Variants in LRRTM4 observed in about 807,000 individuals in gnomAD.
LRRTM4 encodes the protein leucine rich repeat transmembrane neuronal 4.
LRRTM4 carries 25 observed loss-of-function variants against 47.6 expected under a neutral mutation model. The ratio of observed to expected loss-of-function variants is 0.53; its 90% confidence interval spans 0.38 to 0.73. The LOEUF (loss-of-function observed/expected upper bound fraction) is 0.73. Among genes scored for constraint, LRRTM4 ranks in the 30% least tolerant of loss-of-function variants. LRRTM4 has a pLI of 0.00. For synonymous variants in LRRTM4, 311 were observed against 269.5 expected, an observed-to-expected ratio of 1.15 and a Z score of -1.51; for missense variants, 638 against 713.4, an observed-to-expected ratio of 0.89 and a Z score of 1.20.
chr2:76,922,461 T>C (rs1023694345), intron 3 of LRRTM4, among the ~76,000 whole-genome samples: 1 of 152,054 alleles, frequency 6.6e-6, no homozygotes, highest in Non-Finnish European at 1.5e-5. Context: ...CAAGCCTCCA[T>C]GATTCAATCA....
chr2:76,870,943 T>A (rs1672606226), intron 3 of LRRTM4, among the ~76,000 whole-genome samples: 1 of 152,184 alleles, frequency 6.6e-6, no homozygotes, highest in Non-Finnish European at 1.5e-5. Flanking sequence ...CCTATCTTTG[T>A]ACTAAGCTTT....
At position 77,416,662 on chromosome 2, in the gene LRRTM4, C is replaced by G. The variant is rs1674645906; in HGVS notation, c.1551+101656G>C. 2.0e-5 allele frequency among the ~76,000 whole-genome samples: 3 copies of G among 151,974 alleles called. 1 individual carries two copies. Among genetic ancestry groups the G allele is most frequent in the Admixed American group, 2.0e-4 (3 of 15,230 alleles). On this transcript the variant is annotated intron_variant, in intron 3 of 3. Transcript: ENST00000409884. ...TTCATTAATATAATCTTAGCAAAATCATACCACTTCAGACAAAACCACCAG... is the reference window on the plus strand; with the variant it reads ...TTCATTAATATAATCTTAGCAAAATGATACCACTTCAGACAAAACCACCAG...
chr2:76,786,634 T>C (rs1047905925), intron 3 of LRRTM4, among the ~76,000 whole-genome samples: 2 of 152,070 alleles, frequency 1.3e-5, no homozygotes, highest in Non-Finnish European at 2.9e-5. Context: ...AATTTGGTTT[T>C]AAAAATATCT....
chr2:77,130,824 ATTTTT>A (rs768577274), intron 3 of LRRTM4, among the ~76,000 whole-genome samples: 50 of 35,626 alleles, frequency 1.4e-3, no homozygotes, highest in Non-Finnish European at 2.1e-3. Flanking sequence ...TATTTGTTCT[ATTTTT>A]TTTTTTTTTT....
At chr2:77,262,110 T>A (rs1354911202) in intron 3 of LRRTM4, among the ~76,000 whole-genome samples, 1 of 152,152 alleles carries the variant, frequency 6.6e-6, no homozygotes, top group Non-Finnish European at 1.5e-5. Context: ...TAATGCCTCA[T>A]AATCTGTCAG....
intron 3 of LRRTM4, among the ~76,000 whole-genome samples, chr2:77,027,859 A>G (rs766490415): frequency 7.9e-5 from 12 of 152,136 alleles, no homozygotes; most frequent in Non-Finnish European, 1.3e-4. Flanking sequence ...ATCCAAAAGA[A>G]TATGTTCAAT....
At chr2:77,456,695 ACT>A (rs1295320960) in intron 3 of LRRTM4, among the ~76,000 whole-genome samples, 1 of 151,118 alleles carries the variant, frequency 6.6e-6, no homozygotes, top group African/African-American at 2.4e-5. Context: ...TCACCTCTCT[ACT>A]CTTGAAAGCA....
At chr2:77,272,892 A>G (rs1676243472) in intron 3 of LRRTM4, among the ~76,000 whole-genome samples, 1 of 152,196 alleles carries the variant, frequency 6.6e-6, no homozygotes, top group African/African-American at 2.4e-5. Context: ...TTATAGCAAT[A>G]CAATGGACCA....
chr2:77,219,596 G>T (rs557872032), intron 3 of LRRTM4, among the ~76,000 whole-genome samples: 16 of 152,190 alleles, frequency 1.1e-4, no homozygotes, highest in Non-Finnish European at 2.4e-4. Context: ...TAAAAGTTTT[G>T]GGAAGACCTT....
intron 3 of LRRTM4, among the ~76,000 whole-genome samples, chr2:76,992,937 T>C (rs769438403): frequency 1.3e-5 from 2 of 151,130 alleles, no homozygotes; most frequent in African/African-American, 2.4e-5. Context: ...CTTAAACCAA[T>C]GAAGCACATT....
chr2:76,912,623 G>C (rs1271288670), intron 3 of LRRTM4, among the ~76,000 whole-genome samples: 1 of 152,134 alleles, frequency 6.6e-6, no homozygotes, highest in African/African-American at 2.4e-5. Context: ...GATATGGTTT[G>C]GATCTGTGTC....
chr2:76,779,080 A>T (rs1283738280), intron 3 of LRRTM4, among the ~76,000 whole-genome samples: 4 of 145,656 alleles, frequency 2.7e-5, no homozygotes, highest in Non-Finnish European at 4.5e-5. Flanking sequence ...TTTGAGTGAG[A>T]TTCTTAATCC....
chr2:76,900,210 G>C (rs1012797398), intron 3 of LRRTM4, among the ~76,000 whole-genome samples: 2 of 152,028 alleles, frequency 1.3e-5, no homozygotes, highest in Non-Finnish European at 2.9e-5. Flanking sequence ...CTCCAGTCTA[G>C]GTGACAGAGC....
chr2:77,147,325 G>A (rs1000226357), intron 3 of LRRTM4, among the ~76,000 whole-genome samples: 17 of 152,280 alleles, frequency 1.1e-4, no homozygotes, highest in Non-Finnish European at 1.6e-4. Context: ...CAAATGTAAT[G>A]ACTCAGCTCA....
rs553463921 is a variant in LRRTM4 at position 77,198,831 on chromosome 2, T to TC, written c.1551+319486dup. On this transcript the variant is annotated intron_variant, in intron 3 of 3. Coordinates refer to ENST00000409884, the MANE Select transcript of LRRTM4 (RefSeq NM_001134745.3). ...AGGCAAACAGAGCCAGAGCAATCTC[T>TC]CACTAGCTATCCTAACTACTACATT... 4.8e-3 allele frequency among the ~76,000 whole-genome samples: 736 copies of TC among 152,288 alleles called. 6 individuals carry two copies. Among genetic ancestry groups the TC allele is most frequent in the African/African-American group, 0.017 (709 of 41,558 alleles).
chr2:76,849,217 G>A (rs189772416), intron 3 of LRRTM4, among the ~76,000 whole-genome samples: 1 of 152,058 alleles, frequency 6.6e-6, no homozygotes, highest in African/African-American at 2.4e-5. Context: ...AGAAAAGTAG[G>A]TTGAGCCAAG....
intron 3 of LRRTM4, among the ~76,000 whole-genome samples, chr2:76,856,280 AAAAG>A (rs1672147627): frequency 6.6e-6 from 1 of 152,178 alleles, no homozygotes; most frequent in African/African-American, 2.4e-5. Flanking sequence ...TCGTCTCAGA[AAAAG>A]AGAGAGAGAG....
intron 3 of LRRTM4, among the ~76,000 whole-genome samples, chr2:77,286,511 C>A (rs558578519): frequency 1.3e-5 from 2 of 151,346 alleles, no homozygotes. Flanking sequence ...GGCCTTTAAG[C>A]ATCTACTATT....
At chr2:77,047,023 A>C (rs975735485) in intron 3 of LRRTM4, among the ~76,000 whole-genome samples, 2 of 152,158 alleles carry the variant, frequency 1.3e-5, no homozygotes, top group Middle Eastern at 3.4e-3. Context: ...TTCTGCTATA[A>C]TTTGGTAGTT....
Sources: gnomAD v4.1 joint callset for allele counts (sites outside exome capture counted in the v4.1 genomes callset) on GRCh38, gnomAD v4.1.1 for gene constraint, MANE v1.5 for transcripts, NCBI Gene and HGNC (gene_info 2026-07-23, HGNC 2026-07-21) for gene names.